Variants in PRELID2 observed in about 807,000 individuals in gnomAD.
PRELID2 encodes PRELI domain containing 2.
In PRELID2, 25 loss-of-function variants were observed where a neutral mutation model predicts 28.4. The ratio of observed to expected loss-of-function variants is 0.88; its 90% CI spans 0.64 to 1.23. The LOEUF (loss-of-function observed/expected upper bound fraction) is 1.23, where lower values mean the gene tolerates loss of function less well. Ranked by LOEUF, PRELID2 falls within the 50% of genes most tolerant of loss-of-function variation. The probability of loss-of-function intolerance (pLI) is 0.00; values close to 1 mark genes in which losing one functional copy is unlikely to be tolerated. For missense variants in PRELID2, 201 were observed against 214.4 expected (o/e 0.94, Z 0.39); for synonymous variants, 76 against 71.6 (o/e 1.06, Z -0.31).
the PRELID2 span, among the ~76,000 whole-genome samples, chr5:145,266,550 T>C: frequency 1.3e-3 from 200 of 152,034 alleles, 3 homozygotes; most frequent in East Asian, 0.031. Context: ...TAGATGTTGG[T>C]GGAGATGTGG....
At chr5:145,525,193 C>T (rs979633173) in intron 1 of PRELID2, among the ~76,000 whole-genome samples, 1 of 152,184 alleles carries the variant, frequency 6.6e-6, no homozygotes, top group Non-Finnish European at 1.5e-5. Context: ...TGCCCAACAT[C>T]AGACAGTGAG....
the PRELID2 span, among the ~76,000 whole-genome samples, chr5:145,280,621 T>C: frequency 6.6e-6 from 1 of 151,922 alleles, no homozygotes. Flanking sequence ...CTGCACATTG[T>C]GCACATGTAC....
chr5:145,811,777 A>G (rs1394438058), intron 4 of PRELID2, among the ~76,000 whole-genome samples: 2 of 152,198 alleles, frequency 1.3e-5, no homozygotes, highest in African/African-American at 2.4e-5. Context: ...TGGCTTTCCA[A>G]TTCCTGGTTC....
intron 1 of PRELID2, among the ~76,000 whole-genome samples, chr5:145,482,717 T>A (rs547196375): frequency 6.6e-6 from 1 of 152,050 alleles, no homozygotes; most frequent in South Asian, 2.1e-4. Flanking sequence ...ATTATACAAC[T>A]CACCATAATG....
intron 1 of PRELID2, among the ~76,000 whole-genome samples, chr5:145,734,324 G>A (rs1756433565): frequency 6.6e-6 from 1 of 152,242 alleles, no homozygotes. Flanking sequence ...TCAGACTCCA[G>A]TACTTTGGTA....
At chr5:145,490,646 A>G (rs1752260465) in intron 1 of PRELID2, among the ~76,000 whole-genome samples, 1 of 152,198 alleles carries the variant, frequency 6.6e-6, no homozygotes, top group African/African-American at 2.4e-5. Flanking sequence ...ATATCAGGCA[A>G]TTATAAACAA....
At chr5:145,278,896 T>C in the PRELID2 span, among the ~76,000 whole-genome samples, 2 of 152,126 alleles carry the variant, frequency 1.3e-5, no homozygotes, top group Non-Finnish European at 2.9e-5. Flanking sequence ...TGAGGAAATA[T>C]ACCTAAGAGT....
the PRELID2 span, among the ~76,000 whole-genome samples, chr5:145,302,108 T>C: frequency 6.6e-6 from 1 of 152,028 alleles, no homozygotes. Flanking sequence ...TCTTCCAATA[T>C]TCCATATATT....
chr5:145,324,051 C>T, the PRELID2 span, among the ~76,000 whole-genome samples: 1 of 152,224 alleles, frequency 6.6e-6, no homozygotes, highest in African/African-American at 2.4e-5. Context: ...CTGCTTTCCA[C>T]AATGGCTGAA....
At chr5:145,361,076 T>A in the PRELID2 span, among the ~76,000 whole-genome samples, 2 of 152,154 alleles carry the variant, frequency 1.3e-5, no homozygotes, top group Admixed American at 6.6e-5. Context: ...GCTCAAATGT[T>A]AAATGATGAT....
At chr5:145,736,256 A>C (rs1247270908) in intron 1 of PRELID2, among the ~76,000 whole-genome samples, 1 of 152,190 alleles carries the variant, frequency 6.6e-6, no homozygotes, top group Non-Finnish European at 1.5e-5. Context: ...GCTAAAAATC[A>C]CAAGCCTTTG....
chr5:145,585,201 C>A (rs1580985052), intron 1 of PRELID2, among the ~76,000 whole-genome samples: 1 of 152,064 alleles, frequency 6.6e-6, no homozygotes, highest in Non-Finnish European at 1.5e-5. Context: ...AACCAAACAC[C>A]ACATGTTCTC....
At chr5:145,465,293 G>C in the PRELID2 span, among the ~76,000 whole-genome samples, 2 of 152,128 alleles carry the variant, frequency 1.3e-5, no homozygotes, top group Non-Finnish European at 2.9e-5. Context: ...GTCCAGACTA[G>C]AGACAAATTT....
chr5:145,663,583 A>G (rs1754534138), intron 1 of PRELID2, among the ~76,000 whole-genome samples: 1 of 152,162 alleles, frequency 6.6e-6, no homozygotes, highest in South Asian at 2.1e-4. Flanking sequence ...ACTACTTTTA[A>G]AAAGTATTTA....
Position 145,650,418 on chromosome 5 carries a change from G to A in PRELID2, n.70+114513C>T, listed in dbSNP as rs568593879. Reference sequence around the variant, plus strand: ...CCAGAATTTTTAAATGTATCATTCCGCCTGTTTAGTTGTTCTCATCCAGAG... The same window carrying A: ...CCAGAATTTTTAAATGTATCATTCCACCTGTTTAGTTGTTCTCATCCAGAG... On this transcript the variant is annotated intron_variant and non_coding_transcript_variant, in intron 1 of 2. Transcript: ENST00000510259. Among the ~76,000 whole-genome samples the A allele has an allele frequency of 2.3e-3, 341 of 150,886 alleles. 2 individuals are homozygous for A. The highest frequency in any genetic ancestry group is 8.4e-3 in the South Asian group (40 of 4,738).
chr5:145,613,133 G>T (rs1753642850), intron 1 of PRELID2, among the ~76,000 whole-genome samples: 1 of 152,132 alleles, frequency 6.6e-6, no homozygotes, highest in Non-Finnish European at 1.5e-5. Flanking sequence ...CTGCATACAT[G>T]CCAGCATCTA....
At chr5:145,230,012 G>C in the PRELID2 span, 1 of 725,568 alleles carries the variant, frequency 1.4e-6, no homozygotes, top group Non-Finnish European at 2.6e-6. Flanking sequence ...CCCTCAGACT[G>C]AAGGAATACC....
the PRELID2 span, among the ~76,000 whole-genome samples, chr5:145,365,842 C>A: frequency 2.6e-5 from 4 of 151,720 alleles, no homozygotes; most frequent in South Asian, 8.3e-4. Context: ...ATCCACAGGG[C>A]AGAACTGATT....
intron 1 of PRELID2, among the ~76,000 whole-genome samples, chr5:145,654,207 C>T (rs181346462): frequency 3.2e-4 from 49 of 152,200 alleles, no homozygotes; most frequent in African/African-American, 1.1e-3. Context: ...AGGAAGAACT[C>T]GAATCCCTGA....
Sources: gnomAD v4.1 joint callset for allele counts (sites outside exome capture counted in the v4.1 genomes callset) on GRCh38, gnomAD v4.1.1 for gene constraint, MANE v1.5 for transcripts, NCBI Gene and HGNC (gene_info 2026-07-23, HGNC 2026-07-21) for gene names.